KHDRBS3: variants seen among roughly 807,000 people sequenced by gnomAD.
The protein encoded by KHDRBS3 is KH domain-containing, RNA-binding, signal transduction-associated protein 3.
A neutral mutation model predicts 45.6 loss-of-function variants in KHDRBS3; 23 were observed. The observed-to-expected ratio is 0.50, with a 90% CI of 0.36 to 0.72. KHDRBS3 has a LOEUF of 0.72. Among genes scored for constraint, KHDRBS3 ranks in the 30% least tolerant of loss-of-function variants. The pLI is 0.00. For missense variants in KHDRBS3, 352 were observed against 424.8 expected, an observed-to-expected ratio of 0.83 and a Z score of 1.51; for synonymous variants, 162 against 156.5, an observed-to-expected ratio of 1.04 and a Z score of -0.26.
intron 4 of KHDRBS3, among the ~76,000 whole-genome samples, chr8:135,554,982 C>T (rs1413808050): frequency 6.6e-6 from 1 of 152,132 alleles, no homozygotes; most frequent in East Asian, 1.9e-4. Flanking sequence ...TTCATTGTGG[C>T]CATACAGCTG....
At chr8:135,542,608 G>A (rs2130773889) in intron 2 of KHDRBS3, 46 bp from the exon 3 acceptor site, 2 of 1,185,460 alleles carry the variant, frequency 1.7e-6, no homozygotes, top group South Asian at 1.2e-5. Flanking sequence ...TTAAGAAATT[G>A]CTTTCACATA....
chr8:135,564,704 C>A (rs932531805), intron 5 of KHDRBS3, among the ~76,000 whole-genome samples: 1 of 152,122 alleles, frequency 6.6e-6, no homozygotes, highest in Non-Finnish European at 1.5e-5. Context: ...CTGCCTCCTT[C>A]GTTTGTATTT....
chr8:135,632,428 C>G (rs932804224), intron 7 of KHDRBS3, among the ~76,000 whole-genome samples: 1 of 152,060 alleles, frequency 6.6e-6, no homozygotes, highest in East Asian at 1.9e-4. Flanking sequence ...TTGCTCTCTT[C>G]TCAGTGGTCT....
intron 6 of KHDRBS3, among the ~76,000 whole-genome samples, chr8:135,603,195 T>C (rs1013411322): frequency 2.6e-5 from 4 of 152,208 alleles, no homozygotes; most frequent in Non-Finnish European, 5.9e-5. Flanking sequence ...TAGTTGTCTG[T>C]CAGCTGTCTC....
At chr8:135,527,685 G>A (rs943195759) in intron 2 of KHDRBS3, among the ~76,000 whole-genome samples, 2 of 152,176 alleles carry the variant, frequency 1.3e-5, no homozygotes, top group African/African-American at 2.4e-5. Context: ...TAAAAAGTGA[G>A]TTGTAATATG....
At chr8:135,509,187 C>T (rs989481827) in intron 1 of KHDRBS3, among the ~76,000 whole-genome samples, 1 of 152,042 alleles carries the variant, frequency 6.6e-6, no homozygotes, top group African/African-American at 2.4e-5. Flanking sequence ...AATAGAATTC[C>T]ATATATTTGT....
chr8:135,611,886 A>G (rs1437089872), intron 7 of KHDRBS3, among the ~76,000 whole-genome samples: 2 of 151,844 alleles, frequency 1.3e-5, no homozygotes, highest in African/African-American at 4.9e-5. Flanking sequence ...GGAACCTGAT[A>G]TGAACTAGTT....
At chr8:135,589,705 C>T (rs1024348969) in intron 6 of KHDRBS3, among the ~76,000 whole-genome samples, 12 of 152,292 alleles carry the variant, frequency 7.9e-5, no homozygotes, top group Admixed American at 2.0e-4. Context: ...CAGTAGACTG[C>T]GGGATCCTTT....
At chr8:135,615,392 C>G (rs1829875798) in intron 7 of KHDRBS3, among the ~76,000 whole-genome samples, 1 of 152,142 alleles carries the variant, frequency 6.6e-6, no homozygotes, top group South Asian at 2.1e-4. Flanking sequence ...CAACCACCCT[C>G]TGATCTTAAT....
chr8:135,507,464 C>G (rs558612237), intron 1 of KHDRBS3, among the ~76,000 whole-genome samples: 3 of 152,224 alleles, frequency 2.0e-5, no homozygotes, highest in East Asian at 3.9e-4. Context: ...CTCTAGAATG[C>G]GTAATTTTTT....
chr8:135,500,619 G>A (rs1823691109), intron 1 of KHDRBS3, among the ~76,000 whole-genome samples: 1 of 152,140 alleles, frequency 6.6e-6, no homozygotes, highest in Admixed American at 6.5e-5. Context: ...GAAAAATAAA[G>A]CTCAGAAAAC....
At chr8:135,633,254 C>A (rs1183540834) in intron 7 of KHDRBS3, among the ~76,000 whole-genome samples, 1 of 152,110 alleles carries the variant, frequency 6.6e-6, no homozygotes. Flanking sequence ...TGTGCATGGC[C>A]ACTGCTGAAG....
intron 7 of KHDRBS3, among the ~76,000 whole-genome samples, chr8:135,629,726 G>A (rs1242384095): frequency 6.6e-6 from 1 of 152,202 alleles, no homozygotes; most frequent in East Asian, 1.9e-4. Context: ...TTGGATTGAG[G>A]TGCAAAGAAA....
chr8:135,629,866 G>A (rs189348153), intron 7 of KHDRBS3, among the ~76,000 whole-genome samples: 5 of 152,314 alleles, frequency 3.3e-5, no homozygotes, highest in African/African-American at 1.2e-4. Flanking sequence ...AGTAACTCCT[G>A]TCAGGCTTCT....
chr8:135,648,636 G>A (rs1181219820), downstream of KHDRBS3: 2 of 152,140 alleles, frequency 1.3e-5, no homozygotes, highest in Non-Finnish European at 2.9e-5. Context: ...CCTGACCTGT[G>A]TGGAAGATGA....
intron 1 of KHDRBS3, among the ~76,000 whole-genome samples, chr8:135,459,414 T>G (rs1345753306): frequency 6.6e-6 from 1 of 152,242 alleles, no homozygotes. Context: ...AAAAAGTGAA[T>G]GGGCATGCAT....
intron 1 of KHDRBS3, among the ~76,000 whole-genome samples, chr8:135,463,830 T>C (rs997318678): frequency 2.6e-5 from 4 of 152,212 alleles, no homozygotes; most frequent in African/African-American, 4.8e-5. Context: ...TGAGTGAAGA[T>C]AGAATGACTT....
At chr8:135,592,254 G>GT (rs1174755144) in intron 6 of KHDRBS3, among the ~76,000 whole-genome samples, 1 of 151,368 alleles carries the variant, frequency 6.6e-6, no homozygotes, top group Non-Finnish European at 1.5e-5. Context: ...TTGGTTTTTG[G>GT]TTTTTTTTCT....
chr8:135,538,218 T>C (rs1390893957), intron 2 of KHDRBS3, among the ~76,000 whole-genome samples: 1 of 152,142 alleles, frequency 6.6e-6, no homozygotes, highest in African/African-American at 2.4e-5. Flanking sequence ...GGGTGGAGCT[T>C]GTCTGCTGGT....
Sources: gnomAD v4.1 joint callset for allele counts (sites outside exome capture counted in the v4.1 genomes callset) on GRCh38, gnomAD v4.1.1 for gene constraint, MANE v1.5 for transcripts, NCBI Gene and HGNC (gene_info 2026-07-23, HGNC 2026-07-21) for gene names.